The following ZBTB40 variants were observed in gnomAD, a reference collection of about 807,000 sequenced individuals.
ZBTB40 encodes the protein zinc finger and BTB domain-containing protein 40.
ZBTB40 carries 60 observed loss-of-function variants against 117.5 expected under a neutral mutation model. The ratio of observed to expected loss-of-function variants is 0.51; its 90% CI spans 0.41 to 0.63. The LOEUF (loss-of-function observed/expected upper bound fraction) is 0.63, where lower values mean the gene tolerates loss of function less well. Ranked by LOEUF, ZBTB40 falls within the 30% of genes least tolerant of loss-of-function variation. The probability of loss-of-function intolerance (pLI) is 0.00; values close to 1 mark genes in which losing one functional copy is unlikely to be tolerated. For missense variants in ZBTB40, 1,287 were observed against 1,498.5 expected (o/e 0.86, Z 2.33); for synonymous variants, 525 against 577.1 (o/e 0.91, Z 1.29).
intron 3 of ZBTB40, among the ~76,000 whole-genome samples, chr1:22,495,819 T>C (rs1638759435): frequency 6.6e-6 from 1 of 152,160 alleles, no homozygotes; most frequent in South Asian, 2.1e-4. Context: ...CCCAGCCTTT[T>C]TTACGTTTTA....
At chr1:22,505,246 A>G (rs529658763) in intron 5 of ZBTB40, among the ~76,000 whole-genome samples, 2 of 152,348 alleles carry the variant, frequency 1.3e-5, no homozygotes, top group Non-Finnish European at 2.9e-5. Flanking sequence ...TATCAGTTCC[A>G]TAAGAGCTAA....
At chr1:22,447,748 T>G (rs996703206), upstream of ZBTB40, among the ~76,000 whole-genome samples, 5 of 152,214 alleles carry the variant, frequency 3.3e-5, no homozygotes, top group South Asian at 1.0e-3. Context: ...TCATCTGGGA[T>G]GGATAAGCAG....
chr1:22,489,938 G>T lies in ZBTB40; in HGVS notation c.-11G>T. 6.2e-7 allele frequency: 1 copy of T among 1,608,756 alleles called. No homozygotes were observed. The highest frequency in any genetic ancestry group is 1.1e-5 in the South Asian group (1 of 90,988). ...GAGAGGAAGAGCAGTTCTTGGGGCA[G>T]AGTTGACGCAATGGAGCTCCCCAAC... is the stretch of plus-strand genomic sequence containing the variant. On this transcript the variant is annotated 5_prime_UTR_variant, in exon 2 of 18. It introduces an in-frame stop codon into an upstream open reading frame of the 5' UTR. Transcript: ENST00000375647.
chr1:22,483,258 A>C (rs1638376801), intron 1 of ZBTB40, among the ~76,000 whole-genome samples: 1 of 152,204 alleles, frequency 6.6e-6, no homozygotes, highest in Non-Finnish European at 1.5e-5. Context: ...CTTTATAAGT[A>C]TCATGTGTAG....
chr1:22,442,713 G>A (rs1244870965), intron 1 of ZBTB40, among the ~76,000 whole-genome samples: 2 of 152,174 alleles, frequency 1.3e-5, no homozygotes, highest in Non-Finnish European at 2.9e-5. Flanking sequence ...CAGGGTAAGG[G>A]TCAGCTGCAT....
chr1:22,463,977 T>C (rs987405844), intron 1 of ZBTB40, among the ~76,000 whole-genome samples: 1 of 152,232 alleles, frequency 6.6e-6, no homozygotes, highest in Non-Finnish European at 1.5e-5. Context: ...TAGTGGTCCT[T>C]AATCTTCTCC....
intron 1 of ZBTB40, among the ~76,000 whole-genome samples, chr1:22,470,990 G>A (rs1641390315): frequency 6.6e-6 from 1 of 152,200 alleles, no homozygotes; most frequent in African/African-American, 2.4e-5. Context: ...CAAAGAATAG[G>A]TATATTTCTC....
rs1639070430 is a variant in ZBTB40 at position 22,506,145 on chromosome 1, T to C, written c.1264T>C (p.Leu422=). 6.2e-7 allele frequency: 1 copy of C among 1,614,028 alleles called. No homozygotes were observed. The highest frequency in any genetic ancestry group is 8.5e-7 in the Non-Finnish European group (1 of 1,180,018). The stretch of plus-strand genomic sequence containing the variant: ...AGAGAAGACGCTGACTGCTGAGGGT[T>C]TGGTAAAACTCCTCCAGGCTGTGAA... ...TEEKTLTAEG[L]VKLLQAVKTT... Residue 422 remains leucine, a synonymous_variant, in exon 6 of 18, where the codon TTG becomes CTG. Coordinates refer to ENST00000375647, the MANE Select transcript of ZBTB40 (RefSeq NM_014870.4).
At chr1:22,512,281 T>C in intron 11 of ZBTB40, 147 bp downstream of exon 11, 1 of 946,246 alleles carries the variant, frequency 1.1e-6, no homozygotes, top group Non-Finnish European at 1.6e-6. Flanking sequence ...GGTAATATTT[T>C]AAGAGCATGG....
At chr1:22,483,328 T>C (rs1769819) in intron 1 of ZBTB40, among the ~76,000 whole-genome samples, 47,248 of 152,094 alleles carry the variant, frequency 0.31, 8,235 homozygotes, top group East Asian at 0.46. Context: ...ATGTGATTAC[T>C]AGATCATGTG....
chr1:22,504,326 C>A (rs1457804743), intron 5 of ZBTB40, among the ~76,000 whole-genome samples: 1 of 151,994 alleles, frequency 6.6e-6, no homozygotes, highest in East Asian at 1.9e-4. Flanking sequence ...TACATGAGGA[C>A]TGGAAACAGA....
intron 1 of ZBTB40, among the ~76,000 whole-genome samples, chr1:22,464,817 C>T (rs756054730): frequency 2.8e-4 from 43 of 152,128 alleles, no homozygotes; most frequent in African/African-American, 8.4e-4. Flanking sequence ...TTTAGTATAT[C>T]GAGAGCATTT....
intron 12 of ZBTB40, 98 bp from the exon 13 acceptor site, chr1:22,517,202 A>G (rs1639394680): frequency 1.9e-6 from 3 of 1,538,918 alleles, no homozygotes; most frequent in Non-Finnish European, 2.7e-6. Flanking sequence ...CATCTACCAG[A>G]TGATATTTCC....
intron 12 of ZBTB40, 52 bp from the exon 13 acceptor site, chr1:22,517,248 C>A: frequency 6.2e-7 from 1 of 1,608,674 alleles, no homozygotes; most frequent in African/African-American, 1.3e-5. Flanking sequence ...TTGTTTGTAG[C>A]AATGCCATAA....
chr1:22,468,540 A>G lies in ZBTB40; in HGVS notation c.-70+16536A>G, dbSNP rs565340314. ...GCGTATGCTGGAGTGCAGTGACACAATCATGGCTCACTGCAGCTTGAAACT... is the reference window on the plus strand; with the variant it reads ...GCGTATGCTGGAGTGCAGTGACACAGTCATGGCTCACTGCAGCTTGAAACT... On this transcript the variant is annotated intron_variant, in intron 1 of 17. Transcript: ENST00000375647. Among the ~76,000 whole-genome samples, 136 of 133,676 alleles carry G rather than the reference A, an allele frequency of 1.0e-3. 1 individual carries two copies. Among genetic ancestry groups the G allele is most frequent in the African/African-American group, 3.6e-3 (123 of 33,774 alleles). 87.7% of individuals were successfully genotyped at this position (133,676 alleles called of 152,430 possible). A position where few individuals can be genotyped will look rare whatever the true frequency, so the allele number is the denominator to read the frequency against.
chr1:22,497,882 G>A (rs999506567), intron 3 of ZBTB40, among the ~76,000 whole-genome samples: 28 of 152,098 alleles, frequency 1.8e-4, no homozygotes, highest in Admixed American at 3.3e-4. Context: ...TAGATGGCAC[G>A]GTGTCCAGGA....
chr1:22,450,036 C>T (rs1209661292), upstream of ZBTB40, among the ~76,000 whole-genome samples: 1 of 152,050 alleles, frequency 6.6e-6, no homozygotes, highest in Non-Finnish European at 1.5e-5. Flanking sequence ...CTCCGCCTCC[C>T]AGGTTCAAGC....
At chr1:22,519,173 C>T (rs1639454886) in intron 13 of ZBTB40, among the ~76,000 whole-genome samples, 2 of 152,230 alleles carry the variant, frequency 1.3e-5, no homozygotes, top group Non-Finnish European at 2.9e-5. Context: ...TAATCTGAAT[C>T]AATGCACATA....
rs368225481 is a variant in ZBTB40 at position 22,443,039 on chromosome 1, GAAA to G, written c.-70+14028_-70+14030del. Among the ~76,000 whole-genome samples, 58 of 152,198 alleles carry G rather than the reference GAAA, an allele frequency of 3.8e-4. 1 individual carries two copies. Among genetic ancestry groups the G allele is most frequent in the African/African-American group, 1.3e-3 (55 of 41,496 alleles). ...CCAGGTTCTCAGAGTGAATATCTGAGAAAAATCTCCTGATGCTTCCAACAGGGG... is the reference window on the plus strand; with the variant it reads ...CCAGGTTCTCAGAGTGAATATCTGAGAATCTCCTGATGCTTCCAACAGGGG... On this transcript the variant is annotated intron_variant, in intron 1 of 8. Transcript: ENST00000650433.
Sources: gnomAD v4.1 joint callset for allele counts (sites outside exome capture counted in the v4.1 genomes callset) on GRCh38, gnomAD v4.1.1 for gene constraint, MANE v1.5 for transcripts, NCBI Gene and HGNC (gene_info 2026-07-23, HGNC 2026-07-21) for gene names.